The following SLC39A12 variants were observed in gnomAD, a reference collection of about 807,000 sequenced individuals.
SLC39A12 encodes the protein zinc transporter ZIP12.
A neutral mutation model predicts 71.1 loss-of-function variants in SLC39A12; 63 were observed. The ratio of observed to expected loss-of-function variants is 0.89; its 90% CI spans 0.72 to 1.09. The LOEUF is 1.09. SLC39A12 is among the 50% of genes least tolerant of loss of function. The pLI is 0.00. For missense variants in SLC39A12, 892 were observed against 812.6 expected (o/e 1.10, Z -1.19); for synonymous variants, 351 against 301.3 (o/e 1.16, Z -1.71).
At chr10:18,038,328 A>G (rs1191996887) in intron 12 of SLC39A12, among the ~76,000 whole-genome samples, 1 of 152,164 alleles carries the variant, frequency 6.6e-6, no homozygotes, top group African/African-American at 2.4e-5. Flanking sequence ...CAGCAGGTTT[A>G]TAAACTAAGG....
intron 12 of SLC39A12, among the ~76,000 whole-genome samples, chr10:18,040,089 T>C (rs1337167946): frequency 6.6e-6 from 1 of 152,186 alleles, no homozygotes. Flanking sequence ...ATATACGTAA[T>C]ATATAAAACA....
intron 12 of SLC39A12, among the ~76,000 whole-genome samples, chr10:18,004,040 T>G (rs1378048972): frequency 2.0e-5 from 3 of 152,252 alleles, no homozygotes; most frequent in Non-Finnish European, 4.4e-5. Flanking sequence ...ACTCAGTCAT[T>G]AGTTTTCTTT....
At chr10:18,014,869 TA>T (rs1226662444) in intron 12 of SLC39A12, among the ~76,000 whole-genome samples, 1 of 152,220 alleles carries the variant, frequency 6.6e-6, no homozygotes. Context: ...TTGAGTGTCA[TA>T]ATGATCACAG....
intron 2 of SLC39A12, among the ~76,000 whole-genome samples, chr10:17,956,794 G>A (rs1383295611): frequency 6.6e-6 from 1 of 151,926 alleles, no homozygotes; most frequent in African/African-American, 2.4e-5. Flanking sequence ...ATGGAATAAA[G>A]TGTGGAAAAC....
At chr10:18,020,075 G>C (rs1836489586) in intron 12 of SLC39A12, among the ~76,000 whole-genome samples, 1 of 151,956 alleles carries the variant, frequency 6.6e-6, no homozygotes, top group Admixed American at 6.6e-5. Flanking sequence ...TTGGAATACA[G>C]ATAATTTTGT....
chr10:17,973,142 G>A (rs1458585081), intron 4 of SLC39A12, among the ~76,000 whole-genome samples: 3 of 152,020 alleles, frequency 2.0e-5, no homozygotes, highest in Non-Finnish European at 4.4e-5. Flanking sequence ...CCTTAATTGT[G>A]TCCCCCAACT....
intron 10 of SLC39A12, among the ~76,000 whole-genome samples, chr10:17,996,779 C>G (rs111921836): frequency 1.2e-4 from 18 of 152,072 alleles, no homozygotes; most frequent in African/African-American, 4.3e-4. Context: ...GGGCAGATCA[C>G]GAGGTCAGGA....
At chr10:18,028,641 T>C (rs1034896315) in intron 12 of SLC39A12, among the ~76,000 whole-genome samples, 2 of 152,208 alleles carry the variant, frequency 1.3e-5, no homozygotes, top group African/African-American at 4.8e-5. Context: ...CTAATTTCCT[T>C]CATGAGTATT....
intron 12 of SLC39A12, among the ~76,000 whole-genome samples, chr10:18,028,764 G>A (rs1335571620): frequency 6.6e-6 from 1 of 151,984 alleles, no homozygotes; most frequent in Non-Finnish European, 1.5e-5. Flanking sequence ...CTATCGCCTA[G>A]GCTGGAGTGC....
chr10:18,023,331 C>T (rs1464609972), intron 12 of SLC39A12, among the ~76,000 whole-genome samples: 1 of 151,758 alleles, frequency 6.6e-6, no homozygotes, highest in Non-Finnish European at 1.5e-5. Flanking sequence ...TCAGAGGGTT[C>T]ATGGGTAAGA....
At chr10:17,976,960 G>A (rs547431146) in intron 4 of SLC39A12, among the ~76,000 whole-genome samples, 7 of 152,150 alleles carry the variant, frequency 4.6e-5, no homozygotes, top group African/African-American at 1.7e-4. Flanking sequence ...CTTGTTACAA[G>A]TCTGTGAACA....
chr10:17,953,873 C>T (rs572565903), intron 2 of SLC39A12, among the ~76,000 whole-genome samples: 4 of 152,320 alleles, frequency 2.6e-5, no homozygotes, highest in South Asian at 2.1e-4. Context: ...TGCACTTGCA[C>T]GTGACTAGTT....
chr10:17,980,607 T>C (rs533676063), intron 5 of SLC39A12, among the ~76,000 whole-genome samples: 18 of 152,320 alleles, frequency 1.2e-4, no homozygotes, highest in Admixed American at 9.1e-4. Context: ...GACTGTGGCA[T>C]TTGTTCTTTC....
chr10:18,009,383 T>C (rs1326253827), intron 12 of SLC39A12, among the ~76,000 whole-genome samples: 1 of 152,124 alleles, frequency 6.6e-6, no homozygotes, highest in East Asian at 1.9e-4. Context: ...AAATAAAACA[T>C]AGCCCAGGTG....
Position 18,043,149 on chromosome 10 carries a change from T to C in SLC39A12, c.*316T>C, listed in dbSNP as rs904122846. On this transcript the variant is annotated 3_prime_UTR_variant, in exon 13 of 13. Coordinates refer to ENST00000377369, the MANE Select transcript of SLC39A12 (RefSeq NM_001145195.2). The stretch of plus-strand genomic sequence containing the variant: ...TAGATTTTTTCCCTAAGAAAGAATG[T>C]TTGTAGAATTTAAAGTGGACAGATG... The C allele has an allele frequency of 6.2e-6, 1 of 162,152 alleles. No homozygotes were observed. The highest frequency in any genetic ancestry group is 1.3e-5 in the Non-Finnish European group (1 of 74,828). 10.0% of individuals were successfully genotyped at this position (162,152 alleles called of 1,614,324 possible).
chr10:18,037,093 T>C (rs1225052230), intron 12 of SLC39A12, among the ~76,000 whole-genome samples: 1 of 152,060 alleles, frequency 6.6e-6, no homozygotes, highest in Non-Finnish European at 1.5e-5. Flanking sequence ...AGCCTAAAAA[T>C]TGCTATAGAT....
intron 2 of SLC39A12, among the ~76,000 whole-genome samples, chr10:17,958,505 G>A (rs182207318): frequency 1.4e-3 from 216 of 152,176 alleles, no homozygotes; most frequent in African/African-American, 4.7e-3. Flanking sequence ...AAAAATTACC[G>A]GTCAAAGTGG....
At chr10:18,020,657 C>T (rs1451573715) in intron 12 of SLC39A12, among the ~76,000 whole-genome samples, 1 of 152,028 alleles carries the variant, frequency 6.6e-6, no homozygotes, top group Non-Finnish European at 1.5e-5. Context: ...TTAATAATTG[C>T]CATTCTAATG....
At chr10:17,997,742 T>C (rs1835727357) in intron 10 of SLC39A12, among the ~76,000 whole-genome samples, 1 of 152,184 alleles carries the variant, frequency 6.6e-6, no homozygotes, top group Admixed American at 6.5e-5. Flanking sequence ...TGACTTGTTT[T>C]GTATTACCTC....
Sources: allele counts gnomAD v4.1 joint callset (sites outside exome capture counted in the v4.1 genomes callset), GRCh38; gene constraint gnomAD v4.1.1; transcripts MANE v1.5; gene names NCBI Gene and HGNC (gene_info 2026-07-23, HGNC 2026-07-21).